C2orf49: variants seen among roughly 807,000 people sequenced by gnomAD.
C2orf49 encodes tRNA-splicing ligase complex subunit ASW.
Under a neutral mutation model 20.6 loss-of-function variants are expected in C2orf49, and 11 were observed. The observed-to-expected ratio is 0.53, with a 90% confidence interval of 0.34 to 0.88. C2orf49 has a LOEUF of 0.88. C2orf49 is among the 40% of genes least tolerant of loss of function. The pLI, the probability that C2orf49 is intolerant of heterozygous loss-of-function variation, is 0.02. For synonymous variants in C2orf49, 134 were observed against 108.5 expected (o/e 1.24, Z -1.46); for missense variants, 289 against 274.2 (o/e 1.05, Z -0.38).
chr2:105,352,400 A>G (rs1679954950), downstream of C2orf49, among the ~76,000 whole-genome samples: 1 of 146,072 alleles, frequency 6.8e-6, no homozygotes, highest in African/African-American at 2.5e-5. Context: ...CCCTGTCCGC[A>G]AGGGCCTTTT....
At chr2:105,337,852 G>GCC (rs1472919544) in intron 1 of C2orf49, among the ~76,000 whole-genome samples, 166 bp downstream of exon 1, 2 of 152,026 alleles carry the variant, frequency 1.3e-5, no homozygotes, top group Non-Finnish European at 2.9e-5. Flanking sequence ...CCTGCTCCTC[G>GCC]CCCCCTCTCC....
chr2:105,370,386 A>G, the C2orf49 span, among the ~76,000 whole-genome samples: 1 of 152,076 alleles, frequency 6.6e-6, no homozygotes, highest in Admixed American at 6.5e-5. Flanking sequence ...AAAAAAAAAA[A>G]AGTCAAATGA....
Position 105,339,620 on chromosome 2 carries a change from A to G in C2orf49, c.137A>G (p.Lys46Arg), listed in dbSNP as rs1188981997. 2.5e-6 allele frequency: 4 copies of G among 1,602,746 alleles called. No individual in the cohort carries two copies. Among genetic ancestry groups the G allele is most frequent in the Middle Eastern group, 1.7e-4 (1 of 6,042 alleles). ...IAVETDVRVN[K>R]DSLTDLYVQH... Reference sequence around the variant, plus strand: ...GTTGAAACTGATGTAAGAGTAAACAAAGACAGTCTTACTGACCTTTATGTC... The same window carrying G: ...GTTGAAACTGATGTAAGAGTAAACAGAGACAGTCTTACTGACCTTTATGTC... Residue 46 changes from lysine to arginine, a missense_variant, in exon 2 of 4, where the codon AAA becomes AGA. Transcript: ENST00000258457.
At chr2:105,381,386 AGGAAC>A in the C2orf49 span, among the ~76,000 whole-genome samples, 1 of 152,258 alleles carries the variant, frequency 6.6e-6, no homozygotes, top group South Asian at 2.1e-4. Context: ...CCCGTGAGCT[AGGAAC>A]CCCAGTGTAT....
the C2orf49 span, among the ~76,000 whole-genome samples, chr2:105,382,087 A>G: frequency 1.7e-3 from 252 of 152,340 alleles, no homozygotes; most frequent in African/African-American, 5.6e-3. Context: ...CTGCCAAAAT[A>G]TCACTGAACA....
At chr2:105,383,902 C>T in the C2orf49 span, among the ~76,000 whole-genome samples, 1 of 152,222 alleles carries the variant, frequency 6.6e-6, no homozygotes, top group East Asian at 1.9e-4. Flanking sequence ...TACAGTGTAA[C>T]CCCACGTATC....
At chr2:105,373,182 A>G in the C2orf49 span, among the ~76,000 whole-genome samples, 1 of 152,258 alleles carries the variant, frequency 6.6e-6, no homozygotes, top group Non-Finnish European at 1.5e-5. Flanking sequence ...CACCATGCAC[A>G]CTTGGTGAAA....
chr2:105,384,755 G>T, the C2orf49 span, among the ~76,000 whole-genome samples: 1 of 152,192 alleles, frequency 6.6e-6, no homozygotes, highest in African/African-American at 2.4e-5. Flanking sequence ...TGATTCACCC[G>T]CCTTGGCCTC....
At position 105,343,178 on chromosome 2, in the gene C2orf49, A is replaced by G; in HGVS notation, c.597A>G (p.Pro199=). 6.2e-7 allele frequency: 1 copy of G among 1,612,146 alleles called. No homozygotes were observed. Among genetic ancestry groups the G allele is most frequent in the Non-Finnish European group, 8.5e-7 (1 of 1,179,440 alleles). Residue 199 remains proline (P), a synonymous_variant, in exon 3 of 4, where the codon CCA becomes CCG. Transcript: ENST00000258457. ...CATTGTCCCCTGTTGGAACTACTCC[A>G]GTGAAGTTAAAGAGAGCTGCTCCTA... ...SPPLSPVGTT[P]VKLKRAAPKE...
chr2:105,356,082 C>CA, the C2orf49 span, among the ~76,000 whole-genome samples: 143 of 151,822 alleles, frequency 9.4e-4, no homozygotes, highest in Middle Eastern at 6.8e-3. Context: ...CTCATCTCTA[C>CA]AAAAAAAATT....
the C2orf49 span, chr2:105,373,393 T>C: frequency 2.9e-6 from 2 of 693,448 alleles, no homozygotes; most frequent in African/African-American, 3.5e-5. Context: ...AGAACCTGTA[T>C]GTCCCTGCTT....
chr2:105,361,111 T>C, the C2orf49 span: 1 of 586,132 alleles, frequency 1.7e-6, no homozygotes, highest in Non-Finnish European at 2.8e-6. Context: ...TCCCTGGGAC[T>C]GAACTATCAC....
chr2:105,344,397 C>T (rs1378855504), intron 3 of C2orf49, among the ~76,000 whole-genome samples: 1 of 151,864 alleles, frequency 6.6e-6, no homozygotes, highest in African/African-American at 2.4e-5. Flanking sequence ...GGCTCTTAAA[C>T]AGCATTTCTC....
At position 105,345,464 on chromosome 2, in the gene C2orf49, G is replaced by A; in HGVS notation, c.*93G>A. 1 of 1,046,962 alleles carries A rather than the reference G, an allele frequency of 9.6e-7. No homozygotes were observed. Among genetic ancestry groups the A allele is most frequent in the Non-Finnish European group, 1.4e-6 (1 of 709,346 alleles). 64.9% of individuals were successfully genotyped at this position (1,046,962 alleles called of 1,614,324 possible). On this transcript the variant is annotated 3_prime_UTR_variant, in exon 4 of 4. Coordinates refer to ENST00000258457, the MANE Select transcript of C2orf49 (RefSeq NM_024093.3). ...AATATTTACAGAAATCCTGATTATTGTGGAATTTTCTTAAGAGGTTTCAAA... is the reference window on the plus strand; with the variant it reads ...AATATTTACAGAAATCCTGATTATTATGGAATTTTCTTAAGAGGTTTCAAA...
intron 2 of C2orf49, among the ~76,000 whole-genome samples, chr2:105,341,137 T>C (rs960153758): frequency 6.6e-6 from 1 of 152,262 alleles, no homozygotes; most frequent in African/African-American, 2.4e-5. Flanking sequence ...CTTTCATAAA[T>C]ATGGGTTACA....
At chr2:105,372,669 G>A in the C2orf49 span, among the ~76,000 whole-genome samples, 3 of 152,190 alleles carry the variant, frequency 2.0e-5, no homozygotes, top group African/African-American at 7.2e-5. Context: ...CACGCCTGTA[G>A]TCTCAGCTAC....
At chr2:105,378,419 T>A in the C2orf49 span, 2 of 341,212 alleles carry the variant, frequency 5.9e-6, no homozygotes, top group South Asian at 4.6e-5. Context: ...GACAACCTGG[T>A]CTGCTATATC....
the C2orf49 span, among the ~76,000 whole-genome samples, chr2:105,357,375 T>A: frequency 6.6e-6 from 1 of 152,214 alleles, no homozygotes; most frequent in African/African-American, 2.4e-5. Flanking sequence ...TTAGTATACT[T>A]TTCAACTTCA....
downstream of C2orf49, among the ~76,000 whole-genome samples, chr2:105,351,091 G>C (rs1298056663): frequency 6.6e-6 from 1 of 152,082 alleles, no homozygotes; most frequent in Non-Finnish European, 1.5e-5. Context: ...CCTCAATTGG[G>C]ATTTTTCTGT....
Sources: gnomAD v4.1 joint callset for allele counts (sites outside exome capture counted in the v4.1 genomes callset) on GRCh38, gnomAD v4.1.1 for gene constraint, MANE v1.5 for transcripts, NCBI Gene and HGNC (gene_info 2026-07-23, HGNC 2026-07-21) for gene names.